Variants in CABCOCO1 observed in about 807,000 individuals in gnomAD.
CABCOCO1 encodes the protein ciliary associated calcium binding coiled-coil 1.
A neutral mutation model predicts 35.7 loss-of-function variants in CABCOCO1; 28 were observed. The observed-to-expected ratio is 0.78, with a 90% CI of 0.58 to 1.07. The LOEUF (loss-of-function observed/expected upper bound fraction) is 1.07. Ranked by LOEUF, CABCOCO1 falls within the 50% of genes least tolerant of loss-of-function variation. The pLI is 0.00. For synonymous variants in CABCOCO1, 95 were observed against 100.1 expected, an observed-to-expected ratio of 0.95 and a Z score of 0.30; for missense variants, 326 against 309.2, an observed-to-expected ratio of 1.05 and a Z score of -0.41.
intron 4 of CABCOCO1, among the ~76,000 whole-genome samples, chr10:61,687,579 G>GA (rs990567067): frequency 3.3e-5 from 5 of 152,212 alleles, no homozygotes; most frequent in African/African-American, 1.2e-4. Context: ...ACCCCTTCTG[G>GA]AAGGAGAAGG....
At chr10:61,687,167 A>G (rs565142792) in intron 4 of CABCOCO1, among the ~76,000 whole-genome samples, 2 of 152,348 alleles carry the variant, frequency 1.3e-5, no homozygotes, top group Middle Eastern at 3.4e-3. Flanking sequence ...ATAATGTCAT[A>G]TGATATACTA....
chr10:61,693,397 C>T (rs1344582622), intron 5 of CABCOCO1, among the ~76,000 whole-genome samples: 1 of 152,016 alleles, frequency 6.6e-6, no homozygotes, highest in East Asian at 1.9e-4. Flanking sequence ...ACAAGACAAA[C>T]ATGAATGTTT....
chr10:61,662,996 G>GGGGCCGACCCGGGCA lies in CABCOCO1; in HGVS notation c.34_35insGGGCAGGGCCGACCC (p.Thr11_Pro12insArgAlaGlyProThr), dbSNP rs1554819946. On this transcript the variant is annotated inframe_insertion, in exon 1 of 8. Coordinates refer to ENST00000648843, the MANE Select transcript of CABCOCO1 (RefSeq NM_001366906.2). ...CGATGTCGCAGGGGACGACTCCCTG[G>GGGGCCGACCCGGGCA]GGGCCGACCCCGGCGGGAACCACGC... 1.2e-5 allele frequency: 4 copies of GGGGCCGACCCGGGCA among 321,776 alleles called. No homozygotes were observed. The highest frequency in any genetic ancestry group is 9.0e-5 in the South Asian group (4 of 44,396). 19.9% of individuals were successfully genotyped at this position (321,776 alleles called of 1,614,324 possible).
At chr10:61,753,047 T>C (rs1011795434) in intron 5 of CABCOCO1, among the ~76,000 whole-genome samples, 2 of 152,204 alleles carry the variant, frequency 1.3e-5, no homozygotes, top group Non-Finnish European at 2.9e-5. Flanking sequence ...CTAACCATTA[T>C]AATTTATTAT....
At chr10:61,718,372 G>T (rs757531710) in intron 5 of CABCOCO1, among the ~76,000 whole-genome samples, 1 of 152,070 alleles carries the variant, frequency 6.6e-6, no homozygotes, top group Non-Finnish European at 1.5e-5. Flanking sequence ...GTTTGTTTCA[G>T]TCCAAAAAGT....
chr10:61,760,151 GC>G lies in CABCOCO1; in HGVS notation c.651del (p.Thr218GlnfsTer7). ...SFDIYSTFIE[P>X]PTILDTEMKR... Reference sequence around the variant, plus strand: ...TTGATATTTATTCAACATTCATAGAGCCCCCCACAATATTGGATACGGAAAT... The same window carrying G: ...TTGATATTTATTCAACATTCATAGAGCCCCCACAATATTGGATACGGAAAT... On this transcript the variant is annotated frameshift_variant, in exon 6 of 8. Transcript: ENST00000648843. LOFTEE classifies it high-confidence loss of function. 3.1e-6 allele frequency: 5 copies of G among 1,611,844 alleles called. No individual in the cohort carries two copies. The highest frequency in any genetic ancestry group is 1.3e-5 in the African/African-American group (1 of 74,872).
intron 5 of CABCOCO1, among the ~76,000 whole-genome samples, chr10:61,754,582 T>C (rs1382595188): frequency 6.6e-6 from 1 of 152,114 alleles, no homozygotes; most frequent in African/African-American, 2.4e-5. Context: ...TCATCTAACT[T>C]TTTAAAAAAT....
intron 5 of CABCOCO1, among the ~76,000 whole-genome samples, chr10:61,711,772 A>G (rs1840737617): frequency 6.6e-6 from 1 of 152,046 alleles, no homozygotes; most frequent in African/African-American, 2.4e-5. Context: ...ATGCTTTCTG[A>G]TCAAAATTGA....
At chr10:61,673,600 A>G (rs1386325353) in intron 2 of CABCOCO1, among the ~76,000 whole-genome samples, 1 of 152,208 alleles carries the variant, frequency 6.6e-6, no homozygotes, top group African/African-American at 2.4e-5. Flanking sequence ...ATGACTCACT[A>G]CTGAGAAGGG....
chr10:61,704,893 A>C (rs1589132257), intron 5 of CABCOCO1, among the ~76,000 whole-genome samples: 2 of 150,600 alleles, frequency 1.3e-5, no homozygotes, highest in Middle Eastern at 6.9e-3. Flanking sequence ...CTTCAATCTC[A>C]GAAAAGCCCC....
chr10:61,721,246 A>C (rs1369682261), intron 5 of CABCOCO1, among the ~76,000 whole-genome samples: 1 of 151,708 alleles, frequency 6.6e-6, no homozygotes, highest in African/African-American at 2.4e-5. Context: ...TTTCTAGAGG[A>C]GTCTTATACT....
chr10:61,680,471 TA>T (rs1276196204), intron 2 of CABCOCO1, among the ~76,000 whole-genome samples: 6,759 of 128,234 alleles, frequency 0.053, 421 homozygotes, highest in East Asian at 0.078. Flanking sequence ...ATATATAATA[TA>T]TATTTATATA....
chr10:61,729,165 A>G (rs1341098915), intron 5 of CABCOCO1, among the ~76,000 whole-genome samples: 1 of 152,186 alleles, frequency 6.6e-6, no homozygotes, highest in Non-Finnish European at 1.5e-5. Flanking sequence ...TAAGAGGGCC[A>G]GAACAATACC....
intron 5 of CABCOCO1, among the ~76,000 whole-genome samples, chr10:61,734,503 G>A (rs1466386559): frequency 3.1e-5 from 4 of 129,558 alleles, no homozygotes; most frequent in African/African-American, 1.0e-4. Context: ...CTTTATTCAA[G>A]AAGTAGGAAG....
intron 5 of CABCOCO1, among the ~76,000 whole-genome samples, chr10:61,708,374 G>T (rs568390209): frequency 6.6e-6 from 1 of 151,880 alleles, no homozygotes; most frequent in African/African-American, 2.4e-5. Context: ...TTTGCAGTAG[G>T]TTCCTCCTCA....
intron 5 of CABCOCO1, among the ~76,000 whole-genome samples, chr10:61,694,329 ATACT>A (rs760265208): frequency 3.3e-4 from 49 of 148,232 alleles, no homozygotes; most frequent in Non-Finnish European, 6.8e-4. Context: ...GTTCGTTTTA[ATACT>A]TAATTATTAT....
At chr10:61,765,896 G>C in intron 7 of CABCOCO1, 43 bp from the exon 8 acceptor site, 1 of 1,549,624 alleles carries the variant, frequency 6.5e-7, no homozygotes, top group South Asian at 1.1e-5. Flanking sequence ...TGCAGCAAAA[G>C]ATAGCTCCAT....
At position 61,682,889 on chromosome 10, in the gene CABCOCO1, C is replaced by CTTTT. The variant is rs71018993; in HGVS notation, c.334+1589_334+1592dup. On this transcript the variant is annotated intron_variant, in intron 3 of 7. Coordinates refer to ENST00000648843, the MANE Select transcript of CABCOCO1 (RefSeq NM_001366906.2). ...CCAGGAGTTAGTTTCACATGAATTT[C>CTTTT]TTTTTTTTTTTTTTTAAGACAGATT... Among the ~76,000 whole-genome samples the CTTTT allele has an allele frequency of 9.4e-5, 12 of 128,180 alleles. 2 individuals carry two copies. The highest frequency in any genetic ancestry group is 1.3e-4 in the Non-Finnish European group (8 of 62,380). The allele number at this position is 128,180 out of a possible 152,430, so 84.1% of individuals were successfully genotyped here.
chr10:61,694,626 A>AT (rs1264346769), intron 5 of CABCOCO1, among the ~76,000 whole-genome samples: 2 of 151,982 alleles, frequency 1.3e-5, no homozygotes, highest in Non-Finnish European at 2.9e-5. Flanking sequence ...ATTGGACAAG[A>AT]TTTTTTTAAG....
Sources: allele counts gnomAD v4.1 joint callset (sites outside exome capture counted in the v4.1 genomes callset), GRCh38; gene constraint gnomAD v4.1.1; transcripts MANE v1.5; gene names NCBI Gene and HGNC (gene_info 2026-07-23, HGNC 2026-07-21).